The following PI4KB variants were observed in gnomAD, a reference collection of about 807,000 sequenced individuals.
PI4KB encodes phosphatidylinositol 4-kinase beta, also known as PtdIns 4-kinase beta.
A neutral mutation model predicts 81.4 loss-of-function variants in PI4KB; 23 were observed. The ratio of observed to expected loss-of-function variants is 0.28; its 90% CI spans 0.20 to 0.40. The LOEUF is 0.40. Among genes scored for constraint, PI4KB ranks in the 10% least tolerant of loss-of-function variants. The pLI is 1.00. For missense variants in PI4KB, 651 were observed against 1,036.6 expected, an observed-to-expected ratio of 0.63 and a Z score of 5.11; for synonymous variants, 381 against 406.8, an observed-to-expected ratio of 0.94 and a Z score of 0.76.
chr1:151,303,638 G>A lies in PI4KB; in HGVS notation c.1423C>T (p.His475Tyr). 2 of 1,612,396 alleles carry A rather than the reference G, an allele frequency of 1.2e-6. No homozygotes were observed. Among genetic ancestry groups the A allele is most frequent in the Non-Finnish European group, 1.7e-6 (2 of 1,178,494 alleles). The change falls in exon 6 of 12, where the codon CAT becomes TAT. Residue 475 changes from histidine (H) to tyrosine (Y), a missense_variant. By Grantham distance (83) the His-to-Tyr change is moderately conservative (BLOSUM62 2). This residue lies in a region of PI4KB where 246 missense variants were observed against 430.1 expected (regional missense o/e 0.57). Transcript: ENST00000368873. ...GAGATGTTGTCACAGCTGTTGGTAT[G>A]CACTTCGGGGAGCTGGAGAAAGGGG... Reference protein sequence around the residue: ...GELQVELPEVHTNSCDNISQF... With the variant: ...GELQVELPEVYTNSCDNISQF...
rs187443046 is a variant in PI4KB, at chr1:151,312,931, T to C, written c.909+2642A>G. ...TACTTGGGAGGCTAAGATGGGAGGA[T>C]TGCTTGAGCCCAGGAGTTAAAGGCT... is the stretch of plus-strand genomic sequence containing the variant. On this transcript the variant is annotated intron_variant, in intron 2 of 11. Coordinates refer to ENST00000368873, the MANE Select transcript of PI4KB (RefSeq NM_001369623.2). Among the ~76,000 whole-genome samples the C allele has an allele frequency of 1.3e-4, 20 of 152,230 alleles. No homozygotes were observed. In the East Asian group the frequency reaches 3.5e-3, roughly 26 times the overall value.
At chr1:151,298,729 ATAAG>A in intron 9 of PI4KB, 75 bp downstream of exon 9, 5 of 1,425,142 alleles carry the variant, frequency 3.5e-6, no homozygotes, top group Non-Finnish European at 4.9e-6. Context: ...GAGGGCAGTA[ATAAG>A]TAATTGAGAA....
Position 151,316,301 on chromosome 1 carries a change from G to T in PI4KB, c.181C>A (p.Leu61Ile). The part of the protein sequence containing the change: ...ACQEVLEKVK[L>I]LHGGVAVSSR... ...GAGACTGCCACGCCTCCATGCAAAA[G>T]CTTGACTTTCTCCAACACCTCCTGG... is the stretch of plus-strand genomic sequence containing the variant. The change falls in exon 2 of 12, where the codon CTT (leucine) becomes ATT (isoleucine). Residue 61 changes from leucine (L) to isoleucine (I), a missense_variant. Coordinates refer to ENST00000368873, the MANE Select transcript of PI4KB (RefSeq NM_001369623.2). The T allele has an allele frequency of 1.2e-6, 2 of 1,614,176 alleles. No homozygotes were observed. The highest frequency in any genetic ancestry group is 1.7e-6 in the Non-Finnish European group (2 of 1,180,032).
intron 2 of PI4KB, among the ~76,000 whole-genome samples, chr1:151,313,422 A>G (rs935908306): frequency 1.1e-4 from 17 of 152,190 alleles, no homozygotes; most frequent in Non-Finnish European, 2.1e-4. Flanking sequence ...ATGTAAGGAA[A>G]GAGGGACCAA....
intron 9 of PI4KB, among the ~76,000 whole-genome samples, chr1:151,295,029 G>A (rs1404544006): frequency 6.6e-6 from 1 of 152,234 alleles, no homozygotes; most frequent in Non-Finnish European, 1.5e-5. Flanking sequence ...AACAACAGAA[G>A]CAAGCAGGCT....
intron 11 of PI4KB, chr1:151,293,730 TG>T: frequency 2.7e-6 from 1 of 374,574 alleles, no homozygotes; most frequent in Non-Finnish European, 4.9e-6. Context: ...TGGACAGGGG[TG>T]GGGAGGTGAG....
intron 1 of PI4KB, among the ~76,000 whole-genome samples, chr1:151,317,597 T>C (rs913882499): frequency 6.6e-6 from 1 of 151,918 alleles, no homozygotes; most frequent in Non-Finnish European, 1.5e-5. Context: ...ATTACAGGCA[T>C]GAGCCACCAT....
chr1:151,310,299 A>C, intron 2 of PI4KB, 44 bp from the exon 3 acceptor site: 33 of 634,372 alleles, frequency 5.2e-5, no homozygotes, highest in Middle Eastern at 2.8e-4. Flanking sequence ...GGGGGTGGGA[A>C]GGGAGGGGAG....
intron 4 of PI4KB, among the ~76,000 whole-genome samples, chr1:151,306,804 C>T (rs1695799087): frequency 6.6e-6 from 1 of 152,172 alleles, no homozygotes; most frequent in African/African-American, 2.4e-5. Flanking sequence ...GGGCCGGGCG[C>T]GGTGGCTCAC....
intron 1 of PI4KB, among the ~76,000 whole-genome samples, chr1:151,323,025 A>T (rs1461847712): frequency 6.6e-6 from 1 of 152,244 alleles, no homozygotes; most frequent in Non-Finnish European, 1.5e-5. Flanking sequence ...TCTGACGTTC[A>T]TTCTACAAGG....
intron 1 of PI4KB, among the ~76,000 whole-genome samples, chr1:151,325,828 C>T (rs905063402): frequency 1.3e-5 from 2 of 152,102 alleles, no homozygotes; most frequent in Non-Finnish European, 2.9e-5. Context: ...ATTTTTTCCC[C>T]CAACCCACAT....
At chr1:151,298,176 G>C (rs1557787217) in intron 9 of PI4KB, among the ~76,000 whole-genome samples, 1 of 152,236 alleles carries the variant, frequency 6.6e-6, no homozygotes, top group Non-Finnish European at 1.5e-5. Flanking sequence ...GAAGTGAGGA[G>C]AGTTCATGGC....
intron 1 of PI4KB, 40 bp from the exon 2 acceptor site, chr1:151,316,549 C>T: frequency 7.2e-7 from 1 of 1,397,860 alleles, no homozygotes; most frequent in South Asian, 1.5e-5. Flanking sequence ...GAAAGGGAGA[C>T]ACATACACAC....
intron 1 of PI4KB, among the ~76,000 whole-genome samples, chr1:151,318,462 C>G (rs755254398): frequency 2.6e-5 from 4 of 151,312 alleles, no homozygotes; most frequent in Admixed American, 1.3e-4. Flanking sequence ...CCTGTAATCC[C>G]AGCACTTTGG....
intron 1 of PI4KB, chr1:151,326,217 C>CT (rs1209318391): frequency 2.5e-6 from 4 of 1,602,806 alleles, no homozygotes; most frequent in Non-Finnish European, 3.4e-6. Context: ...CTCTTAGTGG[C>CT]TGCTCCGGAG....
upstream of PI4KB, chr1:151,327,541 T>G: frequency 2.9e-5 from 11 of 376,372 alleles, no homozygotes; most frequent in South Asian, 1.5e-4. Context: ...TAAAATAAAA[T>G]TCCCCAGCAG....
At chr1:151,326,078 C>G in intron 1 of PI4KB, 1 of 1,188,654 alleles carries the variant, frequency 8.4e-7, no homozygotes. Flanking sequence ...TAAACTGATT[C>G]CTCATGGATC....
chr1:151,322,284 C>T lies in PI4KB; in HGVS notation c.-29+4987G>A, dbSNP rs192614238. Among the ~76,000 whole-genome samples, 7 of 152,282 alleles carry T rather than the reference C, an allele frequency of 4.6e-5. No homozygotes were observed. In the East Asian group the frequency reaches 1.4e-3, roughly 29 times the overall value. ...AATTGTTACAGGTCACACAGAGCAG[C>T]AGCTGGAGAAGACACAGAAGATATA... is the stretch of plus-strand genomic sequence containing the variant. On this transcript the variant is annotated intron_variant, in intron 1 of 11. Coordinates refer to ENST00000368873, the MANE Select transcript of PI4KB (RefSeq NM_001369623.2).
At chr1:151,304,093 A>G (rs1288566689) in intron 5 of PI4KB, among the ~76,000 whole-genome samples, 1 of 152,094 alleles carries the variant, frequency 6.6e-6, no homozygotes, top group Admixed American at 6.6e-5. Context: ...AGTTTCTTCA[A>G]TCTAAGTCAT....
Sources: gnomAD v4.1 joint callset for allele counts (sites outside exome capture counted in the v4.1 genomes callset) on GRCh38, gnomAD v4.1.1 for gene constraint, gnomAD v4.1.1 regional missense constraint, MANE v1.5 for transcripts, NCBI Gene and HGNC (gene_info 2026-07-23, HGNC 2026-07-21) for gene names.